Variants in LRRC74B observed in about 807,000 individuals in gnomAD.
LRRC74B encodes leucine-rich repeat-containing protein 74B.
In LRRC74B, 30 loss-of-function variants were observed where a neutral mutation model predicts 16.6. That is an observed-to-expected ratio of 1.80 (90% CI 1.35 to 2.45). The LOEUF is 2.45. Among genes scored for constraint, LRRC74B ranks in the 30% most tolerant of loss-of-function variants. The pLI is 0.00. For missense variants in LRRC74B, 326 were observed against 202.4 expected (o/e 1.61, Z -3.71); for synonymous variants, 134 against 86.0 (o/e 1.56, Z -3.09).
intron 4 of LRRC74B, among the ~76,000 whole-genome samples, chr22:21,051,149 C>T (rs1470286343): frequency 6.6e-6 from 1 of 152,060 alleles, no homozygotes; most frequent in African/African-American, 2.4e-5. Context: ...GAGACCGTGT[C>T]TTAACAACAA....
At position 21,055,179 on chromosome 22, in the gene LRRC74B, G is replaced by A; in HGVS notation, c.927+3G>A. On this transcript the variant is annotated splice_donor_region_variant and intron_variant, in intron 7 of 8. Coordinates refer to ENST00000442047, the Ensembl canonical transcript of LRRC74B. ...ACCAGACGCTGAGGATTCTTGTAGT[G>A]AGTGCTAGCCTGATGACTGAGACAC... The A allele has an allele frequency of 1.4e-6, 1 of 715,474 alleles. No individual in the cohort carries two copies. Among genetic ancestry groups the A allele is most frequent in the Non-Finnish European group, 2.6e-6 (1 of 385,018 alleles). The allele number at this position is 715,474 out of a possible 1,614,324, so 44.3% of individuals were successfully genotyped here.
intron 2 of LRRC74B, 126 bp downstream of exon 2, chr22:21,047,624 C>T (rs755841568): frequency 1.1e-5 from 7 of 630,180 alleles, no homozygotes; most frequent in Non-Finnish European, 1.7e-5. Flanking sequence ...CATGCCCTAC[C>T]CTCCACATCT....
rs1929702536 is a variant in LRRC74B at position 21,048,704 on chromosome 22, G to GTC, written c.416-243_416-242dup. ...GGTATAGCTGCCCCCCACCACAGCA[G>GTC]TCTCTACAGTACCAGGAGGTAGGCG... is the stretch of plus-strand genomic sequence containing the variant. On this transcript the variant is annotated intron_variant, in intron 3 of 8. Coordinates refer to ENST00000442047, the Ensembl canonical transcript of LRRC74B. 19 of 526,894 alleles carry GTC rather than the reference G, an allele frequency of 3.6e-5. No individual in the cohort carries two copies. The South Asian group carries it at 4.7e-4, about 13-fold the overall frequency. The allele number at this position is 526,894 out of a possible 1,614,324, so 32.6% of individuals were successfully genotyped here.
At chr22:21,049,798 G>A (rs1391630357) in intron 4 of LRRC74B, among the ~76,000 whole-genome samples, 3 of 152,074 alleles carry the variant, frequency 2.0e-5, no homozygotes, top group Admixed American at 6.5e-5. Flanking sequence ...GTGAGGTAGC[G>A]GATGTGATTG....
chr22:21,047,010 T>C (rs1371380805), intron 1 of LRRC74B, among the ~76,000 whole-genome samples: 1 of 151,812 alleles, frequency 6.6e-6, no homozygotes, highest in Non-Finnish European at 1.5e-5. Context: ...GGAGAATTGC[T>C]TGAACCTGGG....
intron 2 of LRRC74B, 90 bp from the exon 3 acceptor site, chr22:21,047,794 G>A (rs1929597113): frequency 2.9e-6 from 2 of 682,158 alleles, no homozygotes; most frequent in Non-Finnish European, 5.5e-6. Context: ...GTGGGAAGGG[G>A]AGGGCTTTCC....
downstream of LRRC74B, chr22:21,060,608 T>C: frequency 1.6e-6 from 1 of 641,766 alleles, no homozygotes; most frequent in Non-Finnish European, 2.9e-6. Flanking sequence ...CGAGGCCTTG[T>C]TACCACTTGT....
chr22:21,051,711 G>A (rs901848953), intron 4 of LRRC74B, among the ~76,000 whole-genome samples: 5 of 152,188 alleles, frequency 3.3e-5, no homozygotes, highest in African/African-American at 9.7e-5. Flanking sequence ...CCCTTGGCTT[G>A]GCACACAAGG....
exon 7 of LRRC74B, chr22:21,055,140 G>A (rs1000359506): frequency 1.4e-6 from 1 of 717,066 alleles, no homozygotes; most frequent in Non-Finnish European, 2.6e-6. Flanking sequence ...GCCTGGGCCT[G>A]GGCCTCCGGG....
intron 4 of LRRC74B, among the ~76,000 whole-genome samples, chr22:21,051,190 T>C (rs939489667): frequency 2.0e-5 from 3 of 152,130 alleles, no homozygotes; most frequent in Non-Finnish European, 2.9e-5. Flanking sequence ...CTTTAGTGCC[T>C]GTTTCCCTGT....
rs544223215 is a variant in LRRC74B, at chr22:21,059,420, G to A, written c.1024-953G>A. On this transcript the variant is annotated intron_variant, in intron 8 of 8. Coordinates refer to ENST00000442047, the Ensembl canonical transcript of LRRC74B. ...TAAAAGATAGAAGAAAAATTAGCTG[G>A]ATGTGGTGGTGCTCACCTGTAACCT... 1.8e-4 allele frequency among the ~76,000 whole-genome samples: 27 copies of A among 152,196 alleles called. No individual in the cohort carries two copies. The South Asian group carries it at 5.4e-3, about 30-fold the overall frequency.
chr22:21,048,012 C>G, exon 3 of LRRC74B: 1 of 717,334 alleles, frequency 1.4e-6, no homozygotes, highest in Non-Finnish European at 2.6e-6. Flanking sequence ...GCAGCAGCAT[C>G]CATGGTAGGT....
At chr22:21,055,352 C>G (rs940087618) in intron 7 of LRRC74B, among the ~76,000 whole-genome samples, 176 bp downstream of exon 7, 1 of 152,190 alleles carries the variant, frequency 6.6e-6, no homozygotes, top group Admixed American at 6.5e-5. Flanking sequence ...CCCCTTCATC[C>G]CTCCCAGCCT....
chr22:21,051,678 C>T (rs1296041272), intron 4 of LRRC74B, among the ~76,000 whole-genome samples: 1 of 152,204 alleles, frequency 6.6e-6, no homozygotes, highest in Non-Finnish European at 1.5e-5. Context: ...TGACTCCTTG[C>T]CACTTGTATG....
chr22:21,054,857 G>A (rs2148157084), intron 6 of LRRC74B, among the ~76,000 whole-genome samples: 1 of 152,332 alleles, frequency 6.6e-6, no homozygotes. Flanking sequence ...CAGAGGAGCG[G>A]CAGCTGGTGT....
intron 8 of LRRC74B, among the ~76,000 whole-genome samples, chr22:21,059,626 A>G (rs1318711032): frequency 3.3e-5 from 5 of 152,242 alleles, no homozygotes; most frequent in African/African-American, 1.2e-4. Context: ...TCTATCTTCT[A>G]TTCCTTAACT....
chr22:21,053,564 G>A (rs370819738), intron 6 of LRRC74B, 89 bp downstream of exon 6: 11 of 652,972 alleles, frequency 1.7e-5, no homozygotes, highest in South Asian at 1.1e-4. Flanking sequence ...GGGGATTCCC[G>A]TGATGGGGCT....
chr22:21,047,676 G>A (rs928257809), intron 2 of LRRC74B, among the ~76,000 whole-genome samples, 178 bp downstream of exon 2: 1 of 152,188 alleles, frequency 6.6e-6, no homozygotes, highest in Non-Finnish European at 1.5e-5. Context: ...TGGCGTTAAG[G>A]GTTGTGGATC....
At chr22:21,061,203 T>A (rs1369222208), downstream of LRRC74B, among the ~76,000 whole-genome samples, 1 of 152,054 alleles carries the variant, frequency 6.6e-6, no homozygotes, top group Non-Finnish European at 1.5e-5. Flanking sequence ...GGCGCACACC[T>A]GTAATCCCCG....
Sources: allele counts gnomAD v4.1 joint callset (sites outside exome capture counted in the v4.1 genomes callset), GRCh38; gene constraint gnomAD v4.1.1; transcripts MANE v1.5; gene names NCBI Gene and HGNC (gene_info 2026-07-23, HGNC 2026-07-21).